GRID2: variants seen among roughly 807,000 people sequenced by gnomAD.
The protein encoded by GRID2 is glutamate ionotropic receptor delta type subunit 2, also known as glutamate receptor ionotropic, delta-2.
A neutral mutation model predicts 114.8 loss-of-function variants in GRID2; 33 were observed. The observed-to-expected ratio is 0.29, with a 90% CI of 0.22 to 0.38. The LOEUF is 0.38. Among genes scored for constraint, GRID2 ranks in the 10% least tolerant of loss-of-function variants. GRID2 has a pLI of 1.00. For missense variants in GRID2, 1,184 were observed against 1,257.7 expected (o/e 0.94, Z 0.89); for synonymous variants, 505 against 449.9 (o/e 1.12, Z -1.55).
intron 2 of GRID2, among the ~76,000 whole-genome samples, chr4:92,915,704 T>G (rs531600234): frequency 6.6e-6 from 1 of 152,296 alleles, no homozygotes; most frequent in Non-Finnish European, 1.5e-5. Flanking sequence ...AGTGTTCCTT[T>G]ACTGCATAGC....
chr4:93,793,073 C>T (rs903258154), intron 1 of GRID2, among the ~76,000 whole-genome samples: 1 of 152,130 alleles, frequency 6.6e-6, no homozygotes, highest in African/African-American at 2.4e-5. Flanking sequence ...AAACCTTATG[C>T]TCGATCCCAC....
chr4:92,774,652 GTGGTGCAA>G (rs1488103013), intron 2 of GRID2, among the ~76,000 whole-genome samples: 1 of 144,614 alleles, frequency 6.9e-6, no homozygotes, highest in Non-Finnish European at 1.5e-5. Flanking sequence ...CAGTGGTGCA[GTGGTGCAA>G]TCATGGCTCA....
chr4:92,945,171 A>T (rs985182990), intron 2 of GRID2, among the ~76,000 whole-genome samples: 2 of 152,132 alleles, frequency 1.3e-5, no homozygotes, highest in Non-Finnish European at 2.9e-5. Flanking sequence ...TTCTTATGTA[A>T]TCATGCATGT....
chr4:92,812,714 C>T (rs1458989291), intron 2 of GRID2, among the ~76,000 whole-genome samples: 1 of 152,066 alleles, frequency 6.6e-6, no homozygotes, highest in Non-Finnish European at 1.5e-5. Context: ...TACAGGTATA[C>T]AACTCTTTAT....
intron 8 of GRID2, among the ~76,000 whole-genome samples, chr4:93,256,956 G>A (rs1006142126): frequency 4.0e-5 from 6 of 151,768 alleles, no homozygotes; most frequent in African/African-American, 1.2e-4. Flanking sequence ...ATACTTTTAT[G>A]TTGGCTGTAT....
At chr4:92,713,798 G>A (rs114330761) in intron 2 of GRID2, among the ~76,000 whole-genome samples, 2,938 of 151,876 alleles carry the variant, frequency 0.019, 93 homozygotes, top group African/African-American at 0.067. Context: ...GCACAGGAAA[G>A]ACCTGCCCCC....
intron 8 of GRID2, among the ~76,000 whole-genome samples, chr4:93,344,859 G>A (rs1760047227): frequency 6.6e-6 from 1 of 151,722 alleles, no homozygotes; most frequent in Admixed American, 6.6e-5. Context: ...CCACATATAA[G>A]TGAGATCATG....
chr4:92,661,488 C>T (rs1425370049), intron 2 of GRID2, among the ~76,000 whole-genome samples: 3 of 150,564 alleles, frequency 2.0e-5, no homozygotes, highest in Admixed American at 1.3e-4. Flanking sequence ...GGTTGGGTTT[C>T]GGGGTGAGAA....
At chr4:92,755,054 G>C (rs1301661075) in intron 2 of GRID2, among the ~76,000 whole-genome samples, 2 of 152,112 alleles carry the variant, frequency 1.3e-5, no homozygotes, top group Non-Finnish European at 2.9e-5. Flanking sequence ...AACATGATGT[G>C]ACAGGAGGCT....
At chr4:92,661,323 A>T (rs1459425944) in intron 2 of GRID2, among the ~76,000 whole-genome samples, 3 of 150,974 alleles carry the variant, frequency 2.0e-5, no homozygotes, top group African/African-American at 7.3e-5. Context: ...CAAAAAATCT[A>T]ACATCTAATG....
chr4:93,771,758 A>G (rs1437043247), intron 15 of GRID2, among the ~76,000 whole-genome samples: 2 of 152,162 alleles, frequency 1.3e-5, no homozygotes, highest in East Asian at 3.9e-4. Flanking sequence ...CTATTGTTAC[A>G]ATTTTGCCTG....
intron 11 of GRID2, among the ~76,000 whole-genome samples, chr4:93,461,225 A>AT (rs1487163711): frequency 1.3e-5 from 2 of 152,132 alleles, no homozygotes; most frequent in Non-Finnish European, 2.9e-5. Context: ...TAGCTACTTC[A>AT]TCTTTGAAAA....
intron 13 of GRID2, among the ~76,000 whole-genome samples, chr4:93,520,916 G>T (rs1730272671): frequency 6.6e-6 from 1 of 152,124 alleles, no homozygotes; most frequent in South Asian, 2.1e-4. Flanking sequence ...GCTGTGTGGA[G>T]ACCAGGGGGC....
chr4:92,623,416 TAAA>T (rs930777175), intron 2 of GRID2, among the ~76,000 whole-genome samples: 6 of 150,762 alleles, frequency 4.0e-5, no homozygotes, highest in African/African-American at 1.5e-4. Context: ...GACTGGCTAA[TAAA>T]AGTGATTCAT....
At chr4:92,797,823 T>C (rs1228610837) in intron 2 of GRID2, among the ~76,000 whole-genome samples, 1 of 151,970 alleles carries the variant, frequency 6.6e-6, no homozygotes, top group African/African-American at 2.4e-5. Flanking sequence ...TTGAAACCCA[T>C]GTTGTTCAAG....
chr4:92,706,811 C>G (rs1440564400), intron 2 of GRID2, among the ~76,000 whole-genome samples: 1 of 152,120 alleles, frequency 6.6e-6, no homozygotes, highest in African/African-American at 2.4e-5. Flanking sequence ...AGATTAAATT[C>G]TCTATAATTA....
At chr4:93,070,545 G>T (rs1235572430) in intron 2 of GRID2, among the ~76,000 whole-genome samples, 2 of 151,988 alleles carry the variant, frequency 1.3e-5, no homozygotes, top group African/African-American at 4.8e-5. Context: ...TCCAGCTCCT[G>T]CTGCCAACTA....
chr4:92,790,649 T>G (rs1739538760), intron 2 of GRID2, among the ~76,000 whole-genome samples: 1 of 151,168 alleles, frequency 6.6e-6, no homozygotes. Context: ...AACTCCTAGA[T>G]TCAAGCGATT....
At chr4:93,130,931 T>C (rs750185962) in intron 4 of GRID2, among the ~76,000 whole-genome samples, 1 of 152,150 alleles carries the variant, frequency 6.6e-6, no homozygotes, top group Admixed American at 6.5e-5. Flanking sequence ...TTCTCTCTTA[T>C]CCAATTGCAT....
Sources: allele counts gnomAD v4.1 joint callset (sites outside exome capture counted in the v4.1 genomes callset), GRCh38; gene constraint gnomAD v4.1.1; transcripts MANE v1.5; gene names NCBI Gene and HGNC (gene_info 2026-07-23, HGNC 2026-07-21).